The following HMCN1 variants were observed in gnomAD, a reference collection of about 807,000 sequenced individuals.
HMCN1 encodes the protein hemicentin-1.
In HMCN1, 321 loss-of-function variants were observed where a neutral mutation model predicts 625.9. The observed-to-expected ratio is 0.51, with a 90% CI of 0.47 to 0.56. The LOEUF (loss-of-function observed/expected upper bound fraction) is 0.56, where lower values mean the gene tolerates loss of function less well. Among genes scored for constraint, HMCN1 ranks in the 20% least tolerant of loss-of-function variants. HMCN1 has a pLI of 0.00. For synonymous variants in HMCN1, 2,425 were observed against 2,417.6 expected, an observed-to-expected ratio of 1.00 and a Z score of -0.09; for missense variants, 6,588 against 6,887.3, an observed-to-expected ratio of 0.96 and a Z score of 1.54.
chr1:185,758,643 T>C (rs762614412), intron 1 of HMCN1, among the ~76,000 whole-genome samples: 3 of 151,970 alleles, frequency 2.0e-5, no homozygotes, highest in Non-Finnish European at 4.4e-5. Flanking sequence ...TACAAACAAA[T>C]AAACAAACAC....
At chr1:186,126,133 G>GC (rs1163243823) in intron 82 of HMCN1, among the ~76,000 whole-genome samples, 1 of 151,738 alleles carries the variant, frequency 6.6e-6, no homozygotes, top group African/African-American at 2.4e-5. Flanking sequence ...TAATTTTTAT[G>GC]CTATATTTTC....
At chr1:185,884,087 ATACC>A (rs1336362537) in intron 4 of HMCN1, among the ~76,000 whole-genome samples, 1 of 151,712 alleles carries the variant, frequency 6.6e-6, no homozygotes, top group Admixed American at 6.6e-5. Context: ...GTTTTAAAAA[ATACC>A]TTTATTCCAT....
chr1:186,183,410 G>C (rs1653071286), intron 105 of HMCN1, among the ~76,000 whole-genome samples: 1 of 152,122 alleles, frequency 6.6e-6, no homozygotes, highest in Non-Finnish European at 1.5e-5. Flanking sequence ...GGCCCCCACT[G>C]GGTCATGTGG....
At chr1:186,077,507 C>G (rs558872701) in intron 54 of HMCN1, among the ~76,000 whole-genome samples, 1 of 152,092 alleles carries the variant, frequency 6.6e-6, no homozygotes, top group South Asian at 2.1e-4. Context: ...CCAACTTACT[C>G]TTCAATGGTT....
intron 68 of HMCN1, among the ~76,000 whole-genome samples, chr1:186,097,623 T>A (rs1660194835): frequency 6.6e-6 from 1 of 152,116 alleles, no homozygotes; most frequent in South Asian, 2.1e-4. Flanking sequence ...TTAAAATGGC[T>A]ATACTCCCAA....
At chr1:185,924,384 C>T (rs1400565941) in intron 8 of HMCN1, among the ~76,000 whole-genome samples, 2 of 151,810 alleles carry the variant, frequency 1.3e-5, no homozygotes, top group Non-Finnish European at 2.9e-5. Flanking sequence ...GCGCCTGCCA[C>T]CTCGCCCAGC....
intron 4 of HMCN1, among the ~76,000 whole-genome samples, chr1:185,885,662 T>C (rs926946428): frequency 6.6e-6 from 1 of 152,046 alleles, no homozygotes; most frequent in Non-Finnish European, 1.5e-5. Flanking sequence ...CTAAGATTTA[T>C]AAACATCACT....
At chr1:186,125,236 C>A (rs993502277) in intron 81 of HMCN1, among the ~76,000 whole-genome samples, 3 of 151,888 alleles carry the variant, frequency 2.0e-5, no homozygotes, top group African/African-American at 7.3e-5. Flanking sequence ...AGTTACGCAA[C>A]CATAGAAGCA....
chr1:185,943,595 A>C (rs2102516167), intron 11 of HMCN1, among the ~76,000 whole-genome samples: 1 of 152,264 alleles, frequency 6.6e-6, no homozygotes, highest in African/African-American at 2.4e-5. Context: ...GCAGCATGGA[A>C]CTTTCATGCC....
intron 97 of HMCN1, among the ~76,000 whole-genome samples, chr1:186,155,473 T>C (rs1650940065): frequency 6.6e-6 from 1 of 152,206 alleles, no homozygotes. Context: ...CTTTTTTCAG[T>C]ACTCCATCTA....
chr1:185,903,906 A>C (rs990798238), intron 4 of HMCN1, among the ~76,000 whole-genome samples: 4 of 151,888 alleles, frequency 2.6e-5, no homozygotes, highest in Admixed American at 1.3e-4. Flanking sequence ...ACACGTACAA[A>C]GAGCAAATCA....
intron 103 of HMCN1, among the ~76,000 whole-genome samples, chr1:186,175,911 G>GAA (rs1239295914): frequency 7.2e-6 from 1 of 139,792 alleles, no homozygotes; most frequent in Non-Finnish European, 1.6e-5. Flanking sequence ...GAAAAGAAAA[G>GAA]AAAGAAAGAA....
chr1:185,798,581 T>C (rs1024923757), intron 1 of HMCN1, among the ~76,000 whole-genome samples: 3 of 152,110 alleles, frequency 2.0e-5, no homozygotes, highest in African/African-American at 4.8e-5. Context: ...AATTCTTTTT[T>C]TCTTTATATT....
chr1:186,112,510 C>G (rs968835564), intron 71 of HMCN1, among the ~76,000 whole-genome samples: 1 of 152,160 alleles, frequency 6.6e-6, no homozygotes, highest in Non-Finnish European at 1.5e-5. Context: ...ACCCTTTCCC[C>G]GACACTCCCA....
At chr1:185,950,361 T>C (rs1214929417) in intron 11 of HMCN1, among the ~76,000 whole-genome samples, 1 of 151,934 alleles carries the variant, frequency 6.6e-6, no homozygotes, top group Non-Finnish European at 1.5e-5. Context: ...CTAAAAGTAT[T>C]AAAGCAGTGG....
intron 1 of HMCN1, among the ~76,000 whole-genome samples, chr1:185,821,205 C>T (rs1005431759): frequency 1.2e-4 from 19 of 152,172 alleles, no homozygotes; most frequent in South Asian, 8.3e-4. Flanking sequence ...GGTACATGTG[C>T]ACCTCTCTGT....
chr1:186,169,548 T>C, intron 100 of HMCN1, among the ~76,000 whole-genome samples: 1 of 152,082 alleles, frequency 6.6e-6, no homozygotes, highest in East Asian at 1.9e-4. Context: ...TCTACAACCA[T>C]CTGATCTTTG....
chr1:186,109,585 A>T (rs1246338858), intron 71 of HMCN1, among the ~76,000 whole-genome samples: 2 of 152,194 alleles, frequency 1.3e-5, no homozygotes, highest in African/African-American at 2.4e-5. Flanking sequence ...AACAGAGATG[A>T]GAAGCAAATA....
intron 3 of HMCN1, among the ~76,000 whole-genome samples, chr1:185,865,481 T>C (rs1276368251): frequency 1.3e-5 from 2 of 152,058 alleles, no homozygotes; most frequent in African/African-American, 4.8e-5. Flanking sequence ...GTCTCACTTC[T>C]ACTTCTACAG....
Sources: allele counts gnomAD v4.1 joint callset (sites outside exome capture counted in the v4.1 genomes callset), GRCh38; gene constraint gnomAD v4.1.1; transcripts MANE v1.5; gene names NCBI Gene and HGNC (gene_info 2026-07-23, HGNC 2026-07-21).